Variants in STARD8 observed in about 807,000 individuals in gnomAD.
The protein encoded by STARD8 is StAR related lipid transfer domain containing 8.
STARD8 carries 25 observed loss-of-function variants against 69.4 expected under a neutral mutation model. That is an observed-to-expected ratio of 0.36 (90% CI 0.26 to 0.50). The LOEUF is 0.50. Ranked by LOEUF, STARD8 falls within the 20% of genes least tolerant of loss-of-function variation. The probability of loss-of-function intolerance (pLI) is 0.96; values close to 1 mark genes in which losing one functional copy is unlikely to be tolerated. For missense variants in STARD8, 921 were observed against 932.5 expected (o/e 0.99, Z 0.16); for synonymous variants, 389 against 374.6 (o/e 1.04, Z -0.45).
At chrX:68,681,252 T>A (rs1279966457) in intron 2 of STARD8, among the ~76,000 whole-genome samples, 1 of 111,745 alleles carries the variant, frequency 8.9e-6, no homozygotes, top group African/African-American at 3.3e-5. Context: ...GGCCTTCTGA[T>A]GGAAAGCTGC....
intron 2 of STARD8, among the ~76,000 whole-genome samples, chrX:68,708,460 G>A (rs1446028496): frequency 1.8e-5 from 2 of 112,244 alleles, no homozygotes; most frequent in Non-Finnish European, 3.8e-5. Context: ...TCTCTGGGAC[G>A]TGGCCTGTGT....
In STARD8 at chrX:68,720,244, C is replaced by T; in HGVS notation, c.1890-20C>T. 1 of 1,176,561 alleles carries T rather than the reference C, an allele frequency of 8.5e-7. No individual in the cohort carries two copies. Among genetic ancestry groups the T allele is most frequent in the East Asian group, 3.1e-5 (1 of 32,516 alleles). On this transcript the variant is annotated intron_variant, in intron 7 of 14. Transcript: ENST00000374599. Reference sequence around the variant, plus strand: ...AAACTGTGTTCCCCCTATCTGATCACTTGTCATTCTCCCAAACAGGTCAAT... The same window carrying T: ...AAACTGTGTTCCCCCTATCTGATCATTTGTCATTCTCCCAAACAGGTCAAT...
intron 2 of STARD8, among the ~76,000 whole-genome samples, chrX:68,691,125 GCACA>G (rs943934643): frequency 9.1e-6 from 1 of 110,181 alleles, no homozygotes; most frequent in Admixed American, 9.7e-5. Context: ...ACACACACAC[GCACA>G]CACACACACG....
chrX:68,667,678 G>T (rs952634426), intron 2 of STARD8, among the ~76,000 whole-genome samples: 2 of 110,778 alleles, frequency 1.8e-5, no homozygotes, highest in Non-Finnish European at 3.8e-5. Context: ...TGCTAGATGG[G>T]ACTGCGATGG....
chrX:68,691,883 T>C (rs1382701512), intron 2 of STARD8, among the ~76,000 whole-genome samples: 3 of 112,714 alleles, frequency 2.7e-5, no homozygotes, highest in Non-Finnish European at 5.6e-5. Flanking sequence ...TCATTTATTT[T>C]TGGTTGTGCT....
At chrX:68,653,234 ACACACACACAC>A (rs2079577799) in intron 1 of STARD8, among the ~76,000 whole-genome samples, 1 of 18,461 alleles carries the variant, frequency 5.4e-5, no homozygotes, top group Admixed American at 7.9e-4. Context: ...ACACCACACC[ACACACACACAC>A]CACACATACA....
At chrX:68,706,324 T>G (rs2080006545) in intron 2 of STARD8, among the ~76,000 whole-genome samples, 1 of 112,123 alleles carries the variant, frequency 8.9e-6, no homozygotes, top group African/African-American at 3.2e-5. Flanking sequence ...TTCCTCCCTG[T>G]GCCTCCCTCT....
chrX:68,710,898 A>C (rs1310141429), intron 2 of STARD8, among the ~76,000 whole-genome samples: 1 of 112,261 alleles, frequency 8.9e-6, no homozygotes. Context: ...AGATGGGGAA[A>C]GGGTCTCATC....
At chrX:68,652,833 C>A (rs867472695) in intron 1 of STARD8, among the ~76,000 whole-genome samples, 5 of 26,011 alleles carry the variant, frequency 1.9e-4, no homozygotes, top group African/African-American at 4.4e-4. Flanking sequence ...ACCCCACACC[C>A]CACACACACC....
chrX:68,672,209 C>A (rs1242228612), intron 2 of STARD8, among the ~76,000 whole-genome samples: 1 of 111,650 alleles, frequency 9.0e-6, no homozygotes, highest in Non-Finnish European at 1.9e-5. Context: ...CCTATTTTCA[C>A]CCCTTGGAAG....
At chrX:68,653,705 TACACCACAC>T (rs1160695457) in intron 1 of STARD8, among the ~76,000 whole-genome samples, 1 of 32,852 alleles carries the variant, frequency 3.0e-5, no homozygotes, top group African/African-American at 1.2e-4. Flanking sequence ...ACACCACACA[TACACCACAC>T]ACACCACACC....
At position 68,673,465 on chromosome X, in the gene STARD8, T is replaced by C. The variant is rs906136404; in HGVS notation, c.79+7933T>C. Among the ~76,000 whole-genome samples the C allele has an allele frequency of 2.7e-5, 3 of 111,810 alleles. No homozygotes were observed. The Admixed American group carries it at 2.8e-4, about 11-fold the overall frequency. On this transcript the variant is annotated intron_variant, in intron 2 of 14. Coordinates refer to ENST00000374599, the MANE Select transcript of STARD8 (RefSeq NM_001142503.3). ...GCCTGGCTTTTTCCTCCCTCAGCTG[T>C]CAGTCACTGGGAGGCAGATGCCATC... is the stretch of plus-strand genomic sequence containing the variant.
chrX:68,702,292 G>A (rs919478787), intron 2 of STARD8, among the ~76,000 whole-genome samples: 3 of 112,164 alleles, frequency 2.7e-5, no homozygotes, highest in Admixed American at 9.4e-5. Context: ...AGGGAGAGCC[G>A]AGGGAGGCTG....
chrX:68,723,968 G>A lies in STARD8; in HGVS notation c.3041G>A (p.Arg1014His), dbSNP rs747505005. 7.4e-6 allele frequency: 9 copies of A among 1,210,622 alleles called. No individual in the cohort carries two copies. In the African/African-American group the frequency reaches 1.0e-4, roughly 14 times the overall value. Residue 1014 changes from arginine to histidine, a missense_variant, in exon 14 of 15, where the codon CGT becomes CAT. By Grantham distance (29) the Arg-to-His change is conservative. Transcript: ENST00000374599. Reference sequence around the variant, plus strand: ...AGGATGTGGCGCTCTGACCTGCCTCGTGGGGGTTGCCTGCTTGTCTCCCAG... The same window carrying A: ...AGGATGTGGCGCTCTGACCTGCCTCATGGGGGTTGCCTGCTTGTCTCCCAG... The part of the protein sequence containing the change: ...VLRMWRSDLP[R>H]GGCLLVSQSL...
Position 68,717,381 on chromosome X carries a change from C to T in STARD8, c.467C>T (p.Thr156Ile), listed in dbSNP as rs775263850. Residue 156 changes from threonine (T) to isoleucine (I), a missense_variant, in exon 6 of 15, where the codon ACC (threonine) becomes ATC (isoleucine). Physicochemically the swap from Thr to Ile is moderately conservative, Grantham distance 89. Coordinates refer to ENST00000374599, the MANE Select transcript of STARD8 (RefSeq NM_001142503.3). ...CESVLTELSA[T>I]SLPVITVSLP... Reference sequence around the variant, plus strand: ...AGCGTCCTCACCGAGCTTAGTGCCACCTCTCTGCCAGTCATCACCGTGAGC... The same window carrying T: ...AGCGTCCTCACCGAGCTTAGTGCCATCTCTCTGCCAGTCATCACCGTGAGC... 8.3e-7 allele frequency: 1 copy of T among 1,209,724 alleles called. No individual in the cohort carries two copies. The highest frequency in any genetic ancestry group is 3.0e-5 in the East Asian group (1 of 33,749).
rs1379579259 is a variant in STARD8, at chrX:68,712,899, C to T, written c.80-15C>T. On this transcript the variant is annotated splice_polypyrimidine_tract_variant and intron_variant, in intron 2 of 14. Transcript: ENST00000374599. Reference sequence around the variant, plus strand: ...CCCATTTCTTTGCCTGTTTCTTTCCCTTGTTCTGTTTTAGAAGCCGAGGCC... The same window carrying T: ...CCCATTTCTTTGCCTGTTTCTTTCCTTTGTTCTGTTTTAGAAGCCGAGGCC... 18 of 1,199,542 alleles carry T rather than the reference C, an allele frequency of 1.5e-5. No homozygotes were observed. Among genetic ancestry groups the T allele is most frequent in the Non-Finnish European group, 2.0e-5 (18 of 888,676 alleles).
chrX:68,682,007 T>A (rs2147893841), intron 2 of STARD8, among the ~76,000 whole-genome samples: 1 of 109,410 alleles, frequency 9.1e-6, no homozygotes, highest in African/African-American at 3.3e-5. Flanking sequence ...TCAATTTTTT[T>A]TTTTTTTTTC....
chrX:68,654,887 T>C (rs988618883), intron 1 of STARD8, among the ~76,000 whole-genome samples: 1 of 112,119 alleles, frequency 8.9e-6, no homozygotes, highest in Non-Finnish European at 1.9e-5. Context: ...CGTGTGACGA[T>C]GATAGGGTGA....
chrX:68,668,106 T>TTTCTTTC (rs1345180955), intron 2 of STARD8, among the ~76,000 whole-genome samples: 49 of 102,523 alleles, frequency 4.8e-4, no homozygotes, highest in African/African-American at 1.6e-3. Flanking sequence ...TCTTTCTTTC[T>TTTCTTTC]TTCTTTCTGT....
Sources: gnomAD v4.1 joint callset for allele counts (sites outside exome capture counted in the v4.1 genomes callset) on GRCh38, gnomAD v4.1.1 for gene constraint, MANE v1.5 for transcripts, NCBI Gene and HGNC (gene_info 2026-07-23, HGNC 2026-07-21) for gene names.